The following OR51B5 variants were observed in gnomAD, a reference collection of about 807,000 sequenced individuals.
The protein encoded by OR51B5 is olfactory receptor family 51 subfamily B member 5, also known as olfactory receptor 51B5.
For synonymous variants in OR51B5, 186 were observed against 144.8 expected (o/e 1.28, Z -2.04); for missense variants, 456 against 374.6 (o/e 1.22, Z -1.79).
At chr11:5,348,495 A>T (rs4312094), upstream of OR51B5, among the ~76,000 whole-genome samples, 58,246 of 151,968 alleles carry the variant, frequency 0.38, 11,816 homozygotes, top group Non-Finnish European at 0.45. Context: ...CTAGAAAAAA[A>T]GTCACTATCT....
At chr11:5,348,706 G>A (rs893638073) in intron 1 of OR51B5, among the ~76,000 whole-genome samples, 4 of 152,040 alleles carry the variant, frequency 2.6e-5, no homozygotes, top group African/African-American at 2.4e-5. Flanking sequence ...TGATTAGATA[G>A]TACCCACCCA....
intron 1 of OR51B5, among the ~76,000 whole-genome samples, chr11:5,479,088 A>G (rs1851367105): frequency 6.6e-6 from 1 of 151,364 alleles, no homozygotes; most frequent in Non-Finnish European, 1.5e-5. Flanking sequence ...AATGAAGGAA[A>G]AAATGTTAAG....
chr11:5,441,113 A>C (rs1027735957), intron 1 of OR51B5: 1 of 1,614,034 alleles, frequency 6.2e-7, no homozygotes, highest in Non-Finnish European at 8.5e-7. Context: ...GCACAGTGAC[A>C]TAGCGTAATG....
At chr11:5,362,752 C>T (rs1849304307) in intron 1 of OR51B5, 1 of 207,482 alleles carries the variant, frequency 4.8e-6, no homozygotes, top group Middle Eastern at 7.7e-4. Context: ...CTACCAAGTA[C>T]ACTTGTGATA....
chr11:5,389,953 C>T, intron 1 of OR51B5: 1 of 1,611,428 alleles, frequency 6.2e-7, no homozygotes, highest in Non-Finnish European at 8.5e-7. Context: ...GATCTGTGGT[C>T]CTCTCCCACT....
chr11:5,496,334 T>C (rs1041731113), intron 1 of OR51B5, among the ~76,000 whole-genome samples: 12 of 750 alleles, frequency 0.016, no homozygotes, highest in Admixed American at 0.051. Flanking sequence ...GTGATTTCCA[T>C]GCCTTGTTGT....
In OR51B5 at chr11:5,483,430, C is replaced by T. The variant is rs532817814; in HGVS notation, n.84+22139G>A. On this transcript the variant is annotated intron_variant and non_coding_transcript_variant, in intron 1 of 4. Transcript: ENST00000415970. ...CTAGATGACGAGTTAGTGGGTGCAG[C>T]GCACCAGCATGGCACATGTATACAT... 5.6e-3 allele frequency among the ~76,000 whole-genome samples: 806 copies of T among 143,062 alleles called. 8 individuals are homozygous for T. Among genetic ancestry groups the T allele is most frequent in the African/African-American group, 0.017 (636 of 37,980 alleles). 93.9% of individuals were successfully genotyped at this position (143,062 alleles called of 152,430 possible).
chr11:5,441,821 A>G (rs779962243), intron 1 of OR51B5, among the ~76,000 whole-genome samples: 12 of 152,200 alleles, frequency 7.9e-5, no homozygotes, highest in Non-Finnish European at 1.8e-4. Context: ...GGTAGACCAG[A>G]AAGAGGAAAT....
At chr11:5,394,020 C>A (rs1260853315) in intron 1 of OR51B5, among the ~76,000 whole-genome samples, 1 of 151,944 alleles carries the variant, frequency 6.6e-6, no homozygotes, top group African/African-American at 2.4e-5. Context: ...CATTTAGTAT[C>A]AGGAAAAGAT....
At chr11:5,421,604 A>C (rs1850339393) in intron 1 of OR51B5, among the ~76,000 whole-genome samples, 1 of 152,204 alleles carries the variant, frequency 6.6e-6, no homozygotes, top group Admixed American at 6.5e-5. Flanking sequence ...AATCAATATC[A>C]GAAGACATTA....
intron 1 of OR51B5, chr11:5,403,266 C>T (rs539696296): frequency 2.1e-6 from 1 of 471,560 alleles, no homozygotes; most frequent in South Asian, 1.5e-5. Context: ...TGGGCTCATA[C>T]TCCACACTGT....
At chr11:5,420,996 T>C (rs17359438) in intron 1 of OR51B5, among the ~76,000 whole-genome samples, 21,822 of 152,232 alleles carry the variant, frequency 0.14, 1,865 homozygotes, top group Non-Finnish European at 0.19. Flanking sequence ...GGAGTACTTA[T>C]AGAAGGAAGT....
intron 1 of OR51B5, chr11:5,440,497 C>T (rs1183914044): frequency 2.9e-6 from 3 of 1,036,378 alleles, no homozygotes; most frequent in Non-Finnish European, 4.3e-6. Context: ...TTCATCCTTA[C>T]TTTAGCATTC....
At position 5,489,116 on chromosome 11, in the gene OR51B5, C is replaced by A. The variant is rs111735812; in HGVS notation, n.84+16453G>T. On this transcript the variant is annotated intron_variant and non_coding_transcript_variant, in intron 1 of 4. Transcript: ENST00000415970. ...ATCTGTAACCCATTAAGGTACACAA[C>A]CATTCTCAACCATGCTGTCATAGGC... 2.4e-3 allele frequency: 3,796 copies of A among 1,613,944 alleles called. 70 individuals carry two copies. In the African/African-American group the frequency reaches 0.04, roughly 17 times the overall value.
intron 1 of OR51B5, among the ~76,000 whole-genome samples, chr11:5,395,358 T>A (rs947823233): frequency 1.3e-5 from 2 of 152,130 alleles, no homozygotes; most frequent in African/African-American, 4.8e-5. Context: ...CTGAAGGTCC[T>A]TTGTTTTGTG....
chr11:5,473,389 T>C (rs1590017343), intron 1 of OR51B5, among the ~76,000 whole-genome samples: 2 of 152,274 alleles, frequency 1.3e-5, no homozygotes, highest in East Asian at 3.9e-4. Context: ...AATGAAGGCT[T>C]TAAGGGGTAA....
chr11:5,402,456 A>G (rs1849985203), intron 1 of OR51B5: 1 of 355,594 alleles, frequency 2.8e-6, no homozygotes, highest in Non-Finnish European at 5.5e-6. Flanking sequence ...AGAAATAAGA[A>G]GTTTGGCCAC....
At chr11:5,357,826 G>C (rs1048565742) in intron 1 of OR51B5, among the ~76,000 whole-genome samples, 3 of 151,334 alleles carry the variant, frequency 2.0e-5, no homozygotes, top group Admixed American at 6.6e-5. Context: ...TAGAACTCAG[G>C]ATTAAGAAAC....
At position 5,418,920 on chromosome 11, in the gene OR51B5, A is replaced by C. The variant is rs535513282; in HGVS notation, n.85-72010T>G. 2.2e-4 allele frequency among the ~76,000 whole-genome samples: 32 copies of C among 148,172 alleles called. 1 individual carries two copies. The highest frequency in any genetic ancestry group is 1.6e-3 in the Admixed American group (24 of 14,874). On this transcript the variant is annotated intron_variant and non_coding_transcript_variant, in intron 1 of 4. Transcript: ENST00000415970. ...CATCTGGTCTCACTAGAAGTTCCTG[A>C]GACACCACAGTATACTTTGGTGAGT...
Sources: gnomAD v4.1 joint callset for allele counts (sites outside exome capture counted in the v4.1 genomes callset) on GRCh38, gnomAD v4.1.1 for gene constraint, MANE v1.5 for transcripts, NCBI Gene and HGNC (gene_info 2026-07-23, HGNC 2026-07-21) for gene names.